SEMA5A: variants seen among roughly 807,000 people sequenced by gnomAD.
SEMA5A encodes the protein semaphorin-5A.
Under a neutral mutation model 135.5 loss-of-function variants are expected in SEMA5A, and 55 were observed. That is an observed-to-expected ratio of 0.41 (90% CI 0.33 to 0.51). The LOEUF is 0.51. Ranked by LOEUF, SEMA5A falls within the 20% of genes least tolerant of loss-of-function variation. The pLI, the probability that SEMA5A is intolerant of heterozygous loss-of-function variation, is 0.37. For synonymous variants in SEMA5A, 580 were observed against 546.5 expected (o/e 1.06, Z -0.85); for missense variants, 1,290 against 1,419.9 (o/e 0.91, Z 1.47).
At position 9,095,993 on chromosome 5, in the gene SEMA5A, G is replaced by C. The variant is rs759324471; in HGVS notation, c.2073+12147C>G. Among the ~76,000 whole-genome samples, 15 of 152,264 alleles carry C rather than the reference G, an allele frequency of 9.9e-5. No individual in the cohort carries two copies. The South Asian group carries it at 1.0e-3, about 11-fold the overall frequency. On this transcript the variant is annotated intron_variant, in intron 16 of 22. Coordinates refer to ENST00000382496, the MANE Select transcript of SEMA5A (RefSeq NM_003966.3). ...GAACATGGGAAAGCAGGTGCTTTAC[G>C]AGGTAGTGATTTAATTTCCTTTGGG...
intron 2 of SEMA5A, among the ~76,000 whole-genome samples, chr5:9,389,755 C>T (rs13153629): frequency 0.044 from 6,681 of 152,250 alleles, 207 homozygotes; most frequent in Middle Eastern, 0.075. Flanking sequence ...TAATCCCAAC[C>T]CTTAAGCATC....
At chr5:9,526,306 G>A (rs1172528412) in intron 1 of SEMA5A, among the ~76,000 whole-genome samples, 1 of 152,208 alleles carries the variant, frequency 6.6e-6, no homozygotes, top group African/African-American at 2.4e-5. Flanking sequence ...AGAAAGCCAA[G>A]TGGGATGTGT....
intron 13 of SEMA5A, among the ~76,000 whole-genome samples, chr5:9,129,725 A>G (rs189587694): frequency 3.3e-5 from 5 of 152,318 alleles, no homozygotes; most frequent in Admixed American, 2.0e-4. Flanking sequence ...AATATTAAAC[A>G]TTAGACCTTA....
At chr5:9,492,353 A>G (rs1735062948) in intron 1 of SEMA5A, among the ~76,000 whole-genome samples, 1 of 152,234 alleles carries the variant, frequency 6.6e-6, no homozygotes, top group Non-Finnish European at 1.5e-5. Flanking sequence ...GCTGAAATTC[A>G]CACAAATGGG....
chr5:9,544,007 A>G (rs2126405304), intron 1 of SEMA5A, among the ~76,000 whole-genome samples: 1 of 152,256 alleles, frequency 6.6e-6, no homozygotes, highest in Non-Finnish European at 1.5e-5. Flanking sequence ...TAAACATTAC[A>G]CTCTCTAAAA....
intron 1 of SEMA5A, among the ~76,000 whole-genome samples, chr5:9,438,893 T>C (rs1157352711): frequency 1.3e-5 from 2 of 152,164 alleles, no homozygotes; most frequent in South Asian, 2.1e-4. Flanking sequence ...AGCTGGAAAT[T>C]TATAAAATGT....
intron 15 of SEMA5A, among the ~76,000 whole-genome samples, chr5:9,109,242 G>C (rs1414434688): frequency 6.6e-6 from 1 of 151,382 alleles, no homozygotes; most frequent in Non-Finnish European, 1.5e-5. Context: ...GGGTTTCACC[G>C]TTTTAGCCGG....
At chr5:9,474,263 T>G (rs945177625) in intron 1 of SEMA5A, among the ~76,000 whole-genome samples, 1 of 152,062 alleles carries the variant, frequency 6.6e-6, no homozygotes, top group African/African-American at 2.4e-5. Flanking sequence ...TACACCCAGC[T>G]GAGGCCAGGT....
At chr5:9,238,810 T>C (rs1215485211) in intron 5 of SEMA5A, among the ~76,000 whole-genome samples, 1 of 152,122 alleles carries the variant, frequency 6.6e-6, no homozygotes. Flanking sequence ...TATTTTACTA[T>C]TAAAATTGGA....
At chr5:9,491,527 G>A (rs1272150799) in intron 1 of SEMA5A, among the ~76,000 whole-genome samples, 1 of 151,676 alleles carries the variant, frequency 6.6e-6, no homozygotes, top group Non-Finnish European at 1.5e-5. Context: ...AGACTTGAAT[G>A]GATGCAAATG....
intron 2 of SEMA5A, among the ~76,000 whole-genome samples, chr5:9,399,863 G>A (rs1016263190): frequency 6.6e-6 from 1 of 152,090 alleles, no homozygotes; most frequent in South Asian, 2.1e-4. Context: ...CTTTATATAG[G>A]AAGCTTTCCA....
In SEMA5A at chr5:9,313,048, G is replaced by C. The variant is rs1195600906; in HGVS notation, c.270+5324C>G. 2.0e-5 allele frequency among the ~76,000 whole-genome samples: 3 copies of C among 152,108 alleles called. 1 individual carries two copies. Among genetic ancestry groups the C allele is most frequent in the Admixed American group, 1.3e-4 (2 of 15,264 alleles). ...TAGCCAGGAAGTGTGCTGGCTGCTG[G>C]ATGGAAAATACCACCCTGGATTTCA... is the stretch of plus-strand genomic sequence containing the variant. On this transcript the variant is annotated intron_variant, in intron 5 of 22. Coordinates refer to ENST00000382496, the MANE Select transcript of SEMA5A (RefSeq NM_003966.3).
chr5:9,191,536 G>T (rs978298782), intron 10 of SEMA5A, among the ~76,000 whole-genome samples: 1 of 152,196 alleles, frequency 6.6e-6, no homozygotes, highest in African/African-American at 2.4e-5. Flanking sequence ...CATACCACCT[G>T]AAACTACCCT....
At chr5:9,199,373 G>A (rs1435014645) in intron 9 of SEMA5A, among the ~76,000 whole-genome samples, 5 of 151,988 alleles carry the variant, frequency 3.3e-5, no homozygotes, top group Non-Finnish European at 7.4e-5. Flanking sequence ...TGTGCTCTGG[G>A]GGCAAAGGAC....
At chr5:9,236,171 G>T (rs1747897206) in intron 6 of SEMA5A, among the ~76,000 whole-genome samples, 1 of 152,136 alleles carries the variant, frequency 6.6e-6, no homozygotes, top group African/African-American at 2.4e-5. Context: ...GATGGAGTTT[G>T]GTGGGGACAC....
intron 13 of SEMA5A, among the ~76,000 whole-genome samples, chr5:9,130,307 A>G (rs780999435): frequency 2.0e-5 from 3 of 151,786 alleles, no homozygotes; most frequent in Non-Finnish European, 4.4e-5. Context: ...TTCAAAAATT[A>G]AAAAAAAATC....
At chr5:9,473,383 T>TTAAAAAA (rs375160174) in intron 1 of SEMA5A, among the ~76,000 whole-genome samples, 4 of 79,702 alleles carry the variant, frequency 5.0e-5, no homozygotes, top group African/African-American at 2.0e-4. Flanking sequence ...CAATCAGTGG[T>TTAAAAAA]AAAAAAAAAA....
At chr5:9,444,297 A>C (rs915756238) in intron 1 of SEMA5A, among the ~76,000 whole-genome samples, 2 of 152,108 alleles carry the variant, frequency 1.3e-5, no homozygotes, top group South Asian at 4.1e-4. Context: ...TTACCTGAGC[A>C]GTATACACTG....
At chr5:9,325,297 A>C (rs533593016) in intron 4 of SEMA5A, among the ~76,000 whole-genome samples, 1 of 152,122 alleles carries the variant, frequency 6.6e-6, no homozygotes, top group East Asian at 1.9e-4. Flanking sequence ...ATTCACGTGC[A>C]ATAAACCAGA....
Sources: allele counts gnomAD v4.1 joint callset (sites outside exome capture counted in the v4.1 genomes callset), GRCh38; gene constraint gnomAD v4.1.1; transcripts MANE v1.5; gene names NCBI Gene and HGNC (gene_info 2026-07-23, HGNC 2026-07-21).